The following DROSHA variants were observed in gnomAD, a reference collection of about 807,000 sequenced individuals.
DROSHA encodes the protein drosha ribonuclease III, also known as ribonuclease 3.
A neutral mutation model predicts 181.9 loss-of-function variants in DROSHA; 56 were observed. The observed-to-expected ratio is 0.31, with a 90% confidence interval of 0.25 to 0.38. The LOEUF is 0.38. Among genes scored for constraint, DROSHA ranks in the 10% least tolerant of loss-of-function variants. The probability of loss-of-function intolerance (pLI) is 1.00; values close to 1 mark genes in which losing one functional copy is unlikely to be tolerated. For missense variants in DROSHA, 1,218 were observed against 1,743.5 expected, an observed-to-expected ratio of 0.70 and a Z score of 5.37; for synonymous variants, 524 against 591.2, an observed-to-expected ratio of 0.89 and a Z score of 1.65.
At chr5:31,466,309 A>C in intron 18 of DROSHA, 28 bp from the exon 19 acceptor site, 2 of 1,601,834 alleles carry the variant, frequency 1.2e-6, no homozygotes, top group Non-Finnish European at 1.7e-6. Flanking sequence ...CAAACATCTC[A>C]GGTAAAGAGG....
At chr5:31,462,356 T>C (rs1748499650) in intron 20 of DROSHA, among the ~76,000 whole-genome samples, 1 of 151,880 alleles carries the variant, frequency 6.6e-6, no homozygotes, top group Non-Finnish European at 1.5e-5. Flanking sequence ...AGAGTGAGAG[T>C]TCTACAGAGG....
chr5:31,410,992 A>T, intron 30 of DROSHA, 105 bp from the exon 31 acceptor site: 1 of 1,514,848 alleles, frequency 6.6e-7, no homozygotes, highest in Non-Finnish European at 8.9e-7. Context: ...TGACAGGGAC[A>T]CCAAAATAAG....
intron 13 of DROSHA, among the ~76,000 whole-genome samples, chr5:31,488,276 G>A (rs1016104163): frequency 6.6e-6 from 1 of 151,974 alleles, no homozygotes; most frequent in Non-Finnish European, 1.5e-5. Flanking sequence ...AATTAGCTGG[G>A]CGTGGTGGCG....
chr5:31,447,585 GA>G (rs1345223766), intron 23 of DROSHA, among the ~76,000 whole-genome samples: 1 of 152,060 alleles, frequency 6.6e-6, no homozygotes, highest in African/African-American at 2.4e-5. Flanking sequence ...TTCACAGAAT[GA>G]AAAAAATTTT....
chr5:31,452,379 C>G (rs1019029002), intron 20 of DROSHA, among the ~76,000 whole-genome samples: 1 of 152,152 alleles, frequency 6.6e-6, no homozygotes, highest in Non-Finnish European at 1.5e-5. Flanking sequence ...TATAAAGCCA[C>G]CAGTATAGTT....
Position 31,529,087 on chromosome 5 carries a change from T to G in DROSHA, c.-28A>C. 6.2e-7 allele frequency: 1 copy of G among 1,611,778 alleles called. No homozygotes were observed. The highest frequency in any genetic ancestry group is 1.3e-5 in the African/African-American group (1 of 75,026). On this transcript the variant is annotated 5_prime_UTR_variant, in exon 4 of 36. Transcript: ENST00000344624. ...TGTTCCGCCTGGATATGTCACATCTTCCACAGAGAATATAAGCTCTAAAAA... is the reference window on the plus strand; with the variant it reads ...TGTTCCGCCTGGATATGTCACATCTGCCACAGAGAATATAAGCTCTAAAAA...
At position 31,415,780 on chromosome 5, in the gene DROSHA, T is replaced by C. The variant is rs956326733; in HGVS notation, c.3526-4893A>G. Among the ~76,000 whole-genome samples, 5 of 152,182 alleles carry C rather than the reference T, an allele frequency of 3.3e-5. No homozygotes were observed. The East Asian group carries it at 9.6e-4, about 29-fold the overall frequency. Reference sequence around the variant, plus strand: ...AGAAGAATGATACAGAGGAGAAAACTCCTATGGCTTAAGATTTCCAAGGGT... The same window carrying C: ...AGAAGAATGATACAGAGGAGAAAACCCCTATGGCTTAAGATTTCCAAGGGT... On this transcript the variant is annotated intron_variant, in intron 30 of 35. Coordinates refer to ENST00000344624, the MANE Select transcript of DROSHA (RefSeq NM_001382508.1).
intron 20 of DROSHA, among the ~76,000 whole-genome samples, chr5:31,455,792 C>T (rs186666769): frequency 1.7e-3 from 264 of 152,076 alleles, no homozygotes; most frequent in African/African-American, 6.0e-3. Context: ...AGGTGTGCAC[C>T]ACCACACCCA....
Position 31,526,061 on chromosome 5 carries a change from T to G in DROSHA, c.854+18A>C. ...GGGCCTCTGCAGTTCATTAAAGAAC[T>G]ACACACAAGCGGTTTACCTGCTCCG... On this transcript the variant is annotated intron_variant, in intron 5 of 35. Transcript: ENST00000344624. 1 of 1,553,348 alleles carries G rather than the reference T, an allele frequency of 6.4e-7. No homozygotes were observed. The highest frequency in any genetic ancestry group is 8.7e-7 in the Non-Finnish European group (1 of 1,144,806).
intron 28 of DROSHA, among the ~76,000 whole-genome samples, chr5:31,424,034 TA>T (rs989089481): frequency 3.3e-5 from 5 of 152,370 alleles, no homozygotes; most frequent in African/African-American, 1.2e-4. Flanking sequence ...GTATTTGTTC[TA>T]CTTTTTTAGT....
chr5:31,414,166 A>T (rs1349176527), intron 30 of DROSHA, among the ~76,000 whole-genome samples: 1 of 152,172 alleles, frequency 6.6e-6, no homozygotes, highest in Non-Finnish European at 1.5e-5. Context: ...CCTGTAGGGG[A>T]AGGGGAATCC....
At chr5:31,478,340 C>A (rs1209417765) in intron 16 of DROSHA, among the ~76,000 whole-genome samples, 4 of 152,170 alleles carry the variant, frequency 2.6e-5, no homozygotes, top group Non-Finnish European at 1.5e-5. Context: ...AAATGTTTTA[C>A]GAAAGTTTAC....
chr5:31,444,576 G>A (rs1309737445), intron 23 of DROSHA, among the ~76,000 whole-genome samples: 1 of 152,180 alleles, frequency 6.6e-6, no homozygotes, highest in Non-Finnish European at 1.5e-5. Context: ...GGTAGGGGAA[G>A]ATGAGACAAA....
intron 24 of DROSHA, among the ~76,000 whole-genome samples, chr5:31,436,295 A>C (rs1169545862): frequency 6.6e-6 from 1 of 152,150 alleles, no homozygotes; most frequent in Non-Finnish European, 1.5e-5. Flanking sequence ...AGAGAATAAA[A>C]ACAGCTCAAG....
intron 23 of DROSHA, among the ~76,000 whole-genome samples, chr5:31,444,619 A>G (rs1245315001): frequency 1.3e-5 from 2 of 152,238 alleles, no homozygotes. Flanking sequence ...ATCATTGAAA[A>G]GTACATGTCT....
intron 5 of DROSHA, among the ~76,000 whole-genome samples, chr5:31,523,527 CAG>C (rs2150062127): frequency 6.6e-6 from 1 of 152,114 alleles, no homozygotes; most frequent in East Asian, 1.9e-4. Context: ...CATATCAAAA[CAG>C]AGGCGGAAAT....
chr5:31,457,902 G>A (rs1747862458), intron 20 of DROSHA, among the ~76,000 whole-genome samples: 4 of 152,106 alleles, frequency 2.6e-5, no homozygotes, highest in Non-Finnish European at 5.9e-5. Context: ...CAATCAATCT[G>A]TCAGTCAGTC....
chr5:31,483,992 C>T (rs1751380929), intron 15 of DROSHA, among the ~76,000 whole-genome samples: 1 of 118,380 alleles, frequency 8.4e-6, no homozygotes, highest in Non-Finnish European at 2.2e-5. Flanking sequence ...CCATTTTAAT[C>T]ACTACACTAA....
At chr5:31,410,649 T>C (rs185873237) in intron 31 of DROSHA, 97 bp downstream of exon 31, 25 of 1,451,382 alleles carry the variant, frequency 1.7e-5, no homozygotes, top group Middle Eastern at 3.7e-4. Context: ...AAGGTTTCTT[T>C]AGCCAGAACA....
Sources: gnomAD v4.1 joint callset for allele counts (sites outside exome capture counted in the v4.1 genomes callset) on GRCh38, gnomAD v4.1.1 for gene constraint, MANE v1.5 for transcripts, NCBI Gene and HGNC (gene_info 2026-07-23, HGNC 2026-07-21) for gene names.